SHANK1: variants seen among roughly 807,000 people sequenced by gnomAD.
SHANK1 encodes SH3 and multiple ankyrin repeat domains 1.
SHANK1 carries 35 observed loss-of-function variants against 165.6 expected under a neutral mutation model. The observed-to-expected ratio is 0.21, with a 90% CI of 0.16 to 0.28. The LOEUF is 0.28. Among genes scored for constraint, SHANK1 ranks in the 10% least tolerant of loss-of-function variants. The pLI, the probability that SHANK1 is intolerant of heterozygous loss-of-function variation, is 1.00. For synonymous variants in SHANK1, 1,428 were observed against 1,384.8 expected (o/e 1.03, Z -0.69); for missense variants, 2,681 against 3,036.4 (o/e 0.88, Z 2.75).
chr19:50,674,649 A>G (rs988645741), intron 21 of SHANK1, among the ~76,000 whole-genome samples: 2 of 151,976 alleles, frequency 1.3e-5, no homozygotes, highest in Non-Finnish European at 2.9e-5. Context: ...TCAACTGTAC[A>G]TTTCAGGCCA....
intron 8 of SHANK1, among the ~76,000 whole-genome samples, chr19:50,707,422 C>A (rs192000699): frequency 1.3e-3 from 199 of 152,298 alleles, no homozygotes; most frequent in South Asian, 6.0e-3. Flanking sequence ...CTTGATCTTA[C>A]CCCTTCCACA....
chr19:50,686,876 C>T lies in SHANK1; in HGVS notation c.2390-64G>A. On this transcript the variant is annotated intron_variant, in intron 19 of 23. Transcript: ENST00000293441. The surrounding 1 kb of genome is among the most constrained non-coding windows in gnomAD (Gnocchi z 5.7). Reference sequence around the variant, plus strand: ...CGGGGGCGGGGCGGAGCGGGCTCGGCCTGTGGGCGTGGCCAGCAGGTGCGG... The same window carrying T: ...CGGGGGCGGGGCGGAGCGGGCTCGGTCTGTGGGCGTGGCCAGCAGGTGCGG... 3 of 1,590,276 alleles carry T rather than the reference C, an allele frequency of 1.9e-6. No homozygotes were observed.
At position 50,667,631 on chromosome 19, in the gene SHANK1, G is replaced by T; in HGVS notation, c.4329C>A (p.Ser1443=). The change falls in exon 23 of 24, where the codon TCC becomes TCA. Residue 1443 remains serine (S), a synonymous_variant. Transcript: ENST00000293441. The surrounding 1 kb of genome is among the most constrained non-coding windows in gnomAD (Gnocchi z 5.7). ...CGGTGGGCGGCAGGCGGTGTAGCAG[G>T]GAACGCCGGGCGGCGGGCGGGCTGG... The part of the protein sequence containing the change: ...LPASPPAARR[S]LLHRLPPTAP... 7.0e-7 allele frequency: 1 copy of T among 1,424,238 alleles called. No homozygotes were observed. Among genetic ancestry groups the T allele is most frequent in the Non-Finnish European group, 9.1e-7 (1 of 1,099,284 alleles). The allele number at this position is 1,424,238 out of a possible 1,614,324, so 88.2% of individuals were successfully genotyped here. A position where few individuals can be genotyped will look rare whatever the true frequency, so the allele number is the denominator to read the frequency against.
rs893517248 is a variant in SHANK1, at chr19:50,665,309, A to T, written c.5768+883T>A. On this transcript the variant is annotated intron_variant, in intron 23 of 23. Coordinates refer to ENST00000293441, the MANE Select transcript of SHANK1 (RefSeq NM_016148.5). ...CCAGGCATGCTGGCTCATGTGTGGA[A>T]TCTCAGCACTTTGGGAGACCGAGGT... is the stretch of plus-strand genomic sequence containing the variant. Among the ~76,000 whole-genome samples the T allele has an allele frequency of 1.6e-4, 25 of 152,050 alleles. 1 individual carries two copies. The highest frequency in any genetic ancestry group is 1.5e-3 in the Admixed American group (23 of 15,262).
At chr19:50,704,324 C>T in intron 9 of SHANK1, 113 bp downstream of exon 9, 1 of 1,325,092 alleles carries the variant, frequency 7.5e-7, no homozygotes, top group Admixed American at 1.7e-5. Context: ...CCAGCTCCCC[C>T]TCCACGGCCT....
intron 19 of SHANK1, chr19:50,687,089 G>A (rs1599854298): frequency 1.5e-6 from 2 of 1,333,592 alleles, no homozygotes; most frequent in Non-Finnish European, 9.8e-7. Context: ...GGACGTCAGG[G>A]GAAGGTGAGG....
At position 50,719,594 on chromosome 19, in the gene SHANK1, C is replaced by T. The variant is rs1175103631; in HGVS notation, c.-232G>A. On this transcript the variant is annotated 5_prime_UTR_variant, in exon 1 of 24. Coordinates refer to ENST00000293441, the MANE Select transcript of SHANK1 (RefSeq NM_016148.5). ...GGGAGGGCCGAGGACCTCACCCCCC[C>T]CGCGGGCCGGGCCTGGCCATCCGCA... The T allele has an allele frequency of 6.7e-6, 1 of 149,110 alleles. No homozygotes were observed. Among genetic ancestry groups the T allele is most frequent in the Non-Finnish European group, 1.5e-5 (1 of 66,370 alleles). The allele number at this position is 149,110 out of a possible 1,614,324, so 9.2% of individuals were successfully genotyped here.
In SHANK1 at chr19:50,704,487, G is replaced by T. The variant is rs1425200742; in HGVS notation, c.1105C>A (p.Arg369=). ...TTCTTCACATCCTTGTCGGCACCTC[G>T]ATACAGGAGGATCCTGGCACAGGTC... ...KETCARILLY[R]GADKDVKNNN... Residue 369 remains arginine, a synonymous_variant, in exon 9 of 24, where the codon CGA becomes AGA. Transcript: ENST00000293441. 1.2e-6 allele frequency: 2 copies of T among 1,614,068 alleles called. No individual in the cohort carries two copies. The highest frequency in any genetic ancestry group is 1.7e-6 in the Non-Finnish European group (2 of 1,180,008).
At chr19:50,665,109 G>A (rs1985423835) in intron 23 of SHANK1, among the ~76,000 whole-genome samples, 1 of 152,182 alleles carries the variant, frequency 6.6e-6, no homozygotes, top group South Asian at 2.1e-4. Flanking sequence ...GTGATGGGCA[G>A]AGACAACAGA....
chr19:50,692,801 T>G (rs1200512495), intron 15 of SHANK1, among the ~76,000 whole-genome samples: 1 of 149,512 alleles, frequency 6.7e-6, no homozygotes, highest in Non-Finnish European at 1.5e-5. Context: ...CACATCGCCC[T>G]AACCCACCCC....
At chr19:50,671,921 T>C (rs1985805633) in intron 22 of SHANK1, 97 bp downstream of exon 22, 1 of 914,994 alleles carries the variant, frequency 1.1e-6, no homozygotes, top group South Asian at 1.4e-5. Flanking sequence ...ATGGTCTCTC[T>C]GGGAGCACAG....
In SHANK1 at chr19:50,667,916, A is replaced by G. The variant is rs760338050; in HGVS notation, c.4044T>C (p.Asp1348=). ...LVHPLTGKAL[D]PASPLGLALA... is the part of the protein sequence containing the mutation. ...GGGCCAGCCCCAGCGGGGAGGCGGG[A>G]TCCAGGGCCTTGCCGGTCAGCGGGT... is the stretch of plus-strand genomic sequence containing the variant. Residue 1348 remains aspartate, a synonymous_variant, in exon 23 of 24, where the codon GAT becomes GAC. Transcript: ENST00000293441. This position sits in a 1 kb window ranked among gnomAD's most constrained non-coding sequence, Gnocchi z 5.7. 4 of 1,359,126 alleles carry G rather than the reference A, an allele frequency of 2.9e-6. No individual in the cohort carries two copies. In the East Asian group the frequency reaches 9.2e-5, roughly 31 times the overall value. 84.2% of individuals were successfully genotyped at this position (1,359,126 alleles called of 1,614,324 possible). A position where few individuals can be genotyped will look rare whatever the true frequency, so the allele number is the denominator to read the frequency against.
intron 21 of SHANK1, among the ~76,000 whole-genome samples, chr19:50,680,412 A>G (rs1254676413): frequency 6.6e-6 from 1 of 152,090 alleles, no homozygotes; most frequent in Non-Finnish European, 1.5e-5. Flanking sequence ...ATGAGGGGGC[A>G]CGAGGGAGCC....
chr19:50,707,566 T>TC (rs1317485680), intron 8 of SHANK1, among the ~76,000 whole-genome samples: 4 of 14,156 alleles, frequency 2.8e-4, no homozygotes, highest in African/African-American at 1.0e-3. Flanking sequence ...TCTTCTTCCT[T>TC]TTTTTTTTTT....
rs2089034427 is a variant in SHANK1 at position 50,713,577 on chromosome 19, C to T, written c.792+221G>A. On this transcript the variant is annotated intron_variant, in intron 6 of 23. Transcript: ENST00000293441. The surrounding 1 kb of genome is among the most constrained non-coding windows in gnomAD (Gnocchi z 6.2). ...GGGTGTTTAGGGGAGGAGGCCGTGCCCGGGTCTGTGTGATGTCAGCTATAG... is the reference window on the plus strand; with the variant it reads ...GGGTGTTTAGGGGAGGAGGCCGTGCTCGGGTCTGTGTGATGTCAGCTATAG... Among the ~76,000 whole-genome samples, 1 of 151,956 alleles carries T rather than the reference C, an allele frequency of 6.6e-6. No homozygotes were observed. The highest frequency in any genetic ancestry group is 2.4e-5 in the African/African-American group (1 of 41,334).
intron 23 of SHANK1, chr19:50,663,021 C>A (rs1985332496): frequency 5.9e-6 from 2 of 340,138 alleles, no homozygotes; most frequent in Non-Finnish European, 1.1e-5. Context: ...TACATGATTG[C>A]ATCTCAGTTT....
At chr19:50,683,366 C>T (rs1986234878) in intron 21 of SHANK1, among the ~76,000 whole-genome samples, 1 of 152,220 alleles carries the variant, frequency 6.6e-6, no homozygotes, top group Non-Finnish European at 1.5e-5. Context: ...GGTTGCCACA[C>T]ATTTCCCTCA....
chr19:50,680,420 G>A (rs1437200894), intron 21 of SHANK1, among the ~76,000 whole-genome samples: 1 of 152,100 alleles, frequency 6.6e-6, no homozygotes, highest in African/African-American at 2.4e-5. Context: ...GCACGAGGGA[G>A]CCCTCGGGCA....
Position 50,669,095 on chromosome 19 carries a change from G to A in SHANK1, c.2865C>T (p.Asn955=), listed in dbSNP as rs905381622. 5 of 1,432,636 alleles carry A rather than the reference G, an allele frequency of 3.5e-6. No individual in the cohort carries two copies. The African/African-American group carries it at 7.4e-5, about 21-fold the overall frequency. The allele number at this position is 1,432,636 out of a possible 1,614,324, so 88.7% of individuals were successfully genotyped here. ...LTPSPRGGPF[N]PGSGGPLPAS... ...CGGGGAGGGGGCCACCAGAGCCAGG[G>A]TTGAAGGGCCCTCCCCGAGGGGAGG... is the stretch of plus-strand genomic sequence containing the variant. The change falls in exon 23 of 24, where the codon AAC becomes AAT. Residue 955 remains asparagine, a synonymous_variant. Transcript: ENST00000293441.
Sources: allele counts gnomAD v4.1 joint callset (sites outside exome capture counted in the v4.1 genomes callset), GRCh38; gene constraint gnomAD v4.1.1; non-coding constraint Gnocchi (gnomAD v3.1); transcripts MANE v1.5; gene names NCBI Gene and HGNC (gene_info 2026-07-23, HGNC 2026-07-21).